MAL: variants seen among roughly 807,000 people sequenced by gnomAD.
MAL encodes myelin and lymphocyte protein.
Under a neutral mutation model 16.7 loss-of-function variants are expected in MAL, and 5 were observed. That is an observed-to-expected ratio of 0.30 (90% CI 0.16 to 0.63). The LOEUF is 0.63. MAL is among the 30% of genes least tolerant of loss of function. The pLI, the probability that MAL is intolerant of heterozygous loss-of-function variation, is 0.82. For synonymous variants in MAL, 96 were observed against 85.5 expected (o/e 1.12, Z -0.67); for missense variants, 202 against 195.8 (o/e 1.03, Z -0.19).
At chr2:95,032,603 C>T (rs1299953271) in intron 1 of MAL, among the ~76,000 whole-genome samples, 4 of 152,158 alleles carry the variant, frequency 2.6e-5, no homozygotes, top group East Asian at 1.9e-4. Flanking sequence ...GAAGCAGGAA[C>T]GTTCTGGGGT....
intron 1 of MAL, among the ~76,000 whole-genome samples, chr2:95,029,538 T>C (rs934322250): frequency 5.9e-5 from 9 of 152,240 alleles, no homozygotes; most frequent in African/African-American, 2.2e-4. Flanking sequence ...GCAGACAGCA[T>C]TGCTAAGAAC....
intron 1 of MAL, among the ~76,000 whole-genome samples, chr2:95,038,752 C>CTGACTGAGTGAG (rs1267814501): frequency 7.8e-6 from 1 of 127,894 alleles, no homozygotes. Context: ...AAGTGACTGA[C>CTGACTGAGTGAG]TGACTGAGTG....
intron 1 of MAL, among the ~76,000 whole-genome samples, chr2:95,038,944 G>C: frequency 6.6e-6 from 1 of 150,786 alleles, no homozygotes; most frequent in African/African-American, 2.4e-5. Context: ...GAGTGACCGA[G>C]TGACTGAGTG....
chr2:95,027,863 T>C (rs1673981174), intron 1 of MAL, among the ~76,000 whole-genome samples: 1 of 152,090 alleles, frequency 6.6e-6, no homozygotes, highest in Non-Finnish European at 1.5e-5. Context: ...TTTTTAATTA[T>C]GGAATATTAC....
rs532709936 is a variant in MAL, at chr2:95,038,032, C to CTGAG, written c.94-9911_94-9908dup. ...AGTGACTGAGTGACTGTGTGAGTGA[C>CTGAG]TGAGTGAGTGAGTGAGTGACTCAGT... On this transcript the variant is annotated intron_variant, in intron 1 of 3. Transcript: ENST00000309988. Among the ~76,000 whole-genome samples, 44 of 121,218 alleles carry CTGAG rather than the reference C, an allele frequency of 3.6e-4. No individual in the cohort carries two copies. In the South Asian group the frequency reaches 0.012, roughly 32 times the overall value. 79.5% of individuals were successfully genotyped at this position (121,218 alleles called of 152,430 possible). A position where few individuals can be genotyped will look rare whatever the true frequency, so the allele number is the denominator to read the frequency against.
chr2:95,047,003 AGAGG>A (rs778899386), intron 1 of MAL, among the ~76,000 whole-genome samples: 26 of 149,606 alleles, frequency 1.7e-4, no homozygotes, highest in Non-Finnish European at 3.0e-4. Flanking sequence ...GGAAGGAAGG[AGAGG>A]GAGGGAGGGA....
At chr2:95,028,169 A>C (rs958421850) in intron 1 of MAL, among the ~76,000 whole-genome samples, 4 of 150,044 alleles carry the variant, frequency 2.7e-5, no homozygotes, top group African/African-American at 4.9e-5. Flanking sequence ...AAAAAAAAAA[A>C]AAAAAAACCC....
At position 95,030,805 on chromosome 2, in the gene MAL, G is replaced by A. The variant is rs1325068360; in HGVS notation, c.93+4920G>A. 5.3e-5 allele frequency among the ~76,000 whole-genome samples: 8 copies of A among 152,302 alleles called. No homozygotes were observed. The South Asian group carries it at 1.0e-3, about 20-fold the overall frequency. On this transcript the variant is annotated intron_variant, in intron 1 of 3. Coordinates refer to ENST00000309988, the MANE Select transcript of MAL (RefSeq NM_002371.4). ...TTGGGGTTGGGGTGGGGAGACACCCGCAATCAGTTTGCAGTTTTGACAGTT... is the reference window on the plus strand; with the variant it reads ...TTGGGGTTGGGGTGGGGAGACACCCACAATCAGTTTGCAGTTTTGACAGTT...
intron 3 of MAL, among the ~76,000 whole-genome samples, chr2:95,052,204 G>A (rs1674735017): frequency 1.3e-5 from 2 of 152,222 alleles, no homozygotes; most frequent in African/African-American, 4.8e-5. Context: ...AGTTTAGGGA[G>A]AGGGCTTTCT....
At position 95,053,575 on chromosome 2, in the gene MAL, C is replaced by G; in HGVS notation, c.*120C>G. The G allele has an allele frequency of 1.3e-6, 1 of 743,032 alleles. No homozygotes were observed. The highest frequency in any genetic ancestry group is 2.2e-6 in the Non-Finnish European group (1 of 446,882). The allele number at this position is 743,032 out of a possible 1,614,324, so 46.0% of individuals were successfully genotyped here. The stretch of plus-strand genomic sequence containing the variant: ...GGTGGAAAAAAGAAAACAACCACCC[C>G]CCCACTGCCCAAAAAAAAAAGCCCT... On this transcript the variant is annotated 3_prime_UTR_variant, in exon 4 of 4. Coordinates refer to ENST00000309988, the MANE Select transcript of MAL (RefSeq NM_002371.4).
intron 3 of MAL, chr2:95,053,080 C>G (rs1476859632): frequency 1.0e-4 from 34 of 324,176 alleles, no homozygotes; most frequent in Admixed American, 2.7e-4. Flanking sequence ...TCTTTGAGGA[C>G]TCCATCTCAA....
intron 1 of MAL, among the ~76,000 whole-genome samples, chr2:95,046,674 G>A (rs1467178699): frequency 5.9e-5 from 9 of 151,932 alleles, no homozygotes; most frequent in East Asian, 3.9e-4. Context: ...GGATAACCAC[G>A]GGACTGTACT....
chr2:95,047,622 G>A (rs1035489170), intron 1 of MAL, among the ~76,000 whole-genome samples: 1 of 152,166 alleles, frequency 6.6e-6, no homozygotes, highest in Admixed American at 6.5e-5. Context: ...TCAGGAAGCT[G>A]AGGCATGAGA....
At chr2:95,050,979 G>A (rs1674703145) in intron 3 of MAL, among the ~76,000 whole-genome samples, 8 of 152,284 alleles carry the variant, frequency 5.3e-5, no homozygotes, top group Admixed American at 3.9e-4. Context: ...TCCCAGCCAA[G>A]CCTTCTCTTT....
Position 95,025,964 on chromosome 2 carries a change from C to CG in MAL, c.93+82dup. The CG allele has an allele frequency of 2.4e-6, 3 of 1,262,918 alleles. No individual in the cohort carries two copies. In the South Asian group the frequency reaches 4.3e-5, roughly 18 times the overall value. The allele number at this position is 1,262,918 out of a possible 1,614,324, so 78.2% of individuals were successfully genotyped here. A position where few individuals can be genotyped will look rare whatever the true frequency, so the allele number is the denominator to read the frequency against. Reference sequence around the variant, plus strand: ...TCGGGCGCCCAGCACAGCTGTCGGACGGGATCCGCTAGCTGCGCAGGTTCT... The same window carrying CG: ...TCGGGCGCCCAGCACAGCTGTCGGACGGGGATCCGCTAGCTGCGCAGGTTCT... On this transcript the variant is annotated intron_variant, in intron 1 of 3. Transcript: ENST00000309988. This position sits in a 1 kb window ranked among gnomAD's most constrained non-coding sequence, Gnocchi z 5.6.
chr2:95,031,877 G>A (rs1328444690), intron 1 of MAL, among the ~76,000 whole-genome samples: 1 of 152,244 alleles, frequency 6.6e-6, no homozygotes, highest in East Asian at 1.9e-4. Context: ...GGGGTTTGGT[G>A]GAGAAGTGAC....
At chr2:95,028,554 A>G (rs1416311070) in intron 1 of MAL, among the ~76,000 whole-genome samples, 1 of 152,150 alleles carries the variant, frequency 6.6e-6, no homozygotes, top group Non-Finnish European at 1.5e-5. Flanking sequence ...TGACCCAGCA[A>G]TTCCACTCCT....
At chr2:95,036,376 G>A (rs1054198890) in intron 1 of MAL, among the ~76,000 whole-genome samples, 41 of 152,196 alleles carry the variant, frequency 2.7e-4, no homozygotes, top group African/African-American at 8.7e-4. Context: ...CCTGTGTGAC[G>A]TTTGGTATCT....
chr2:95,037,025 A>ATGAGTGACTGAGTGGGTGAG (rs1674233278), intron 1 of MAL, among the ~76,000 whole-genome samples: 1 of 73,966 alleles, frequency 1.4e-5, no homozygotes, highest in Admixed American at 1.3e-4. Context: ...GAGTGAGTGA[A>ATGAGTGACTGAGTGGGTGAG]TGAGTGACTG....
Sources: allele counts gnomAD v4.1 joint callset (sites outside exome capture counted in the v4.1 genomes callset), GRCh38; gene constraint gnomAD v4.1.1; non-coding constraint Gnocchi (gnomAD v3.1); transcripts MANE v1.5; gene names NCBI Gene and HGNC (gene_info 2026-07-23, HGNC 2026-07-21).